The following RBM10 variants were observed in gnomAD, a reference collection of about 807,000 sequenced individuals.
The protein encoded by RBM10 is RNA binding motif protein 10.
RBM10 carries 1 observed loss-of-function variant against 84.9 expected under a neutral mutation model. The observed-to-expected ratio is 0.01, with a 90% CI of 0.00 to 0.06. The LOEUF is 0.06. Among genes scored for constraint, RBM10 ranks in the 10% least tolerant of loss-of-function variants. RBM10 has a pLI of 1.00. For missense variants in RBM10, 438 were observed against 839.0 expected (o/e 0.52, Z 5.90); for synonymous variants, 326 against 344.5 (o/e 0.95, Z 0.60).
At chrX:47,157,843 G>C in intron 2 of RBM10, 1 of 316,245 alleles carries the variant, frequency 3.2e-6, no homozygotes, top group Non-Finnish European at 5.5e-6. Context: ...GCAGTGGTGT[G>C]ATCTCAGCTC....
At chrX:47,157,256 C>T in intron 2 of RBM10, 1 of 312,333 alleles carries the variant, frequency 3.2e-6, no homozygotes, top group Non-Finnish European at 6.2e-6. Context: ...TGAGCAAGGG[C>T]CTCTGGACCA....
intron 4 of RBM10, 53 bp downstream of exon 4, chrX:47,171,311 G>A: frequency 8.4e-7 from 1 of 1,193,770 alleles, no homozygotes; most frequent in Non-Finnish European, 1.1e-6. Context: ...CTCCTCCAGG[G>A]CCCTCAACTT....
rs782606864 is a variant in RBM10, at chrX:47,182,578, T to G, written c.1950+252T>G. On this transcript the variant is annotated intron_variant, in intron 17 of 23. Transcript: ENST00000377604. The stretch of plus-strand genomic sequence containing the variant: ...TGGCTTGTGCCATCCGAGTGAGCCC[T>G]GTCAGGTGTCTTCTGTCCCATGGTG... Among the ~76,000 whole-genome samples the G allele has an allele frequency of 7.9e-5, 9 of 113,393 alleles. No homozygotes were observed. The East Asian group carries it at 2.5e-3, about 32-fold the overall frequency.
At chrX:47,175,482 C>T (rs1166359300) in intron 6 of RBM10, among the ~76,000 whole-genome samples, 3 of 111,196 alleles carry the variant, frequency 2.7e-5, no homozygotes, top group Non-Finnish European at 5.7e-5. Context: ...ACCCTCAGGA[C>T]CACTGGAAGT....
intron 12 of RBM10, 127 bp downstream of exon 12, chrX:47,180,633 A>T: frequency 9.1e-7 from 1 of 1,093,840 alleles, no homozygotes; most frequent in Non-Finnish European, 1.2e-6. Flanking sequence ...AGTAGCTGGC[A>T]TGGCTATTCT....
intron 2 of RBM10, among the ~76,000 whole-genome samples, chrX:47,166,909 G>A (rs1934269009): frequency 9.2e-6 from 1 of 109,075 alleles, no homozygotes; most frequent in Admixed American, 9.9e-5. Flanking sequence ...CCGAGTAGCT[G>A]GGACTACAGG....
chrX:47,161,194 G>T (rs187712964), intron 2 of RBM10, among the ~76,000 whole-genome samples: 18 of 110,840 alleles, frequency 1.6e-4, no homozygotes, highest in Non-Finnish European at 2.3e-4. Flanking sequence ...CTCCTGCCTT[G>T]GCCTTCCAAA....
chrX:47,169,074 T>G (rs1934447956), intron 2 of RBM10, among the ~76,000 whole-genome samples: 2 of 110,546 alleles, frequency 1.8e-5, no homozygotes, highest in African/African-American at 3.3e-5. Context: ...AAATAGAAAG[T>G]TTACAGGGTG....
At chrX:47,147,983 G>C (rs1351845599) in intron 2 of RBM10, among the ~76,000 whole-genome samples, 6 of 111,277 alleles carry the variant, frequency 5.4e-5, no homozygotes, top group African/African-American at 2.0e-4. Flanking sequence ...CTGGAACACT[G>C]GGTAAAATAC....
At chrX:47,180,346 C>CAT in intron 11 of RBM10, 37 bp downstream of exon 11, 1 of 1,085,367 alleles carries the variant, frequency 9.2e-7, no homozygotes, top group Non-Finnish European at 1.3e-6. Context: ...CACCCTTCCC[C>CAT]TCCCCACCCT....
At chrX:47,158,967 T>A (rs1556766063) in intron 2 of RBM10, among the ~76,000 whole-genome samples, 1 of 112,805 alleles carries the variant, frequency 8.9e-6, no homozygotes, top group Non-Finnish European at 1.9e-5. Context: ...GATAACAGCC[T>A]CCAGCTCCAT....
intron 4 of RBM10, among the ~76,000 whole-genome samples, 163 bp downstream of exon 4, chrX:47,171,421 C>T (rs1556773110): frequency 1.8e-5 from 2 of 112,507 alleles, no homozygotes; most frequent in Non-Finnish European, 3.8e-5. Context: ...TGGGCAGGTC[C>T]CATCGGCCCC....
chrX:47,162,734 G>C (rs782162692), intron 2 of RBM10, among the ~76,000 whole-genome samples: 27 of 110,243 alleles, frequency 2.4e-4, no homozygotes, highest in African/African-American at 7.9e-4. Flanking sequence ...ATTAGCTGGG[G>C]GTGGTGGCAG....
intron 21 of RBM10, 133 bp downstream of exon 21, chrX:47,185,923 T>C: frequency 8.6e-7 from 1 of 1,158,780 alleles, no homozygotes; most frequent in Non-Finnish European, 1.2e-6. Context: ...TCCTGGCTGC[T>C]TGTGCCTGTG....
intron 5 of RBM10, 64 bp from the exon 6 acceptor site, chrX:47,174,955 G>C (rs1482978005): frequency 5.0e-6 from 5 of 1,009,506 alleles, no homozygotes. Context: ...CCCGCCCCCG[G>C]GAACGCCGTG....
Position 47,173,331 on chromosome X carries a change from GCCC to G in RBM10, c.502+135_502+137del, listed in dbSNP as rs1446466701. 32 of 1,151,731 alleles carry G rather than the reference GCCC, an allele frequency of 2.8e-5. No individual in the cohort carries two copies. In the African/African-American group the frequency reaches 4.5e-4, roughly 16 times the overall value. The allele number at this position is 1,151,731 out of a possible 1,213,427, so 94.9% of individuals were successfully genotyped here. ...GCTGGGAATGGGCAGCGTGGGGGGT[GCCC>G]TCTCTTCTCTCCCACTCCCCACACT... On this transcript the variant is annotated intron_variant, in intron 5 of 23. Coordinates refer to ENST00000377604, the MANE Select transcript of RBM10 (RefSeq NM_005676.5).
Position 47,179,170 on chromosome X carries a change from C to T in RBM10, c.724+7C>T, listed in dbSNP as rs782524538. 8.3e-7 allele frequency: 1 copy of T among 1,208,503 alleles called. No individual in the cohort carries two copies. The highest frequency in any genetic ancestry group is 1.1e-6 in the Non-Finnish European group (1 of 893,745). On this transcript the variant is annotated splice_region_variant and intron_variant, in intron 8 of 23. Coordinates refer to ENST00000377604, the MANE Select transcript of RBM10 (RefSeq NM_005676.5). ...TGTGGCGTGCCCAAGTCAGGTGAGGCCCACCTACCTCTCGTGCTCTCCAGG... is the reference window on the plus strand; with the variant it reads ...TGTGGCGTGCCCAAGTCAGGTGAGGTCCACCTACCTCTCGTGCTCTCCAGG...
intron 2 of RBM10, among the ~76,000 whole-genome samples, chrX:47,149,332 G>GT (rs1457738315): frequency 4.2e-4 from 45 of 106,225 alleles, no homozygotes; most frequent in East Asian, 1.2e-3. Context: ...CAACAGTGCT[G>GT]TTTTTTTTTG....
At position 47,179,969 on chromosome X, in the gene RBM10, G is replaced by A. The variant is rs2147173580; in HGVS notation, c.991G>A (p.Val331Met). The A allele has an allele frequency of 2.5e-6, 3 of 1,211,225 alleles. No individual in the cohort carries two copies. Among genetic ancestry groups the A allele is most frequent in the Admixed American group, 2.2e-5 (1 of 46,065 alleles). ...CTACGCGGTGCTGTCCTCCTCCAAC[G>A]TGCGCGTCATAAAGGACAAGCAGAC... ...APYAVLSSSN[V>M]RVIKDKQTQL... is the part of the protein sequence containing the mutation. Residue 331 changes from valine (V) to methionine (M), a missense_variant, in exon 10 of 24, where the codon GTG (valine) becomes ATG (methionine). Transcript: ENST00000377604.
Sources: allele counts gnomAD v4.1 joint callset (sites outside exome capture counted in the v4.1 genomes callset), GRCh38; gene constraint gnomAD v4.1.1; transcripts MANE v1.5; gene names NCBI Gene and HGNC (gene_info 2026-07-23, HGNC 2026-07-21).